The following CABIN1 variants were observed in gnomAD, a reference collection of about 807,000 sequenced individuals.
The protein encoded by CABIN1 is calcineurin binding protein 1, also known as calcineurin-binding protein cabin-1.
A neutral mutation model predicts 227.7 loss-of-function variants in CABIN1; 133 were observed. The observed-to-expected ratio is 0.58, with a 90% CI of 0.51 to 0.67. The LOEUF is 0.67. Among genes scored for constraint, CABIN1 ranks in the 30% least tolerant of loss-of-function variants. The probability of loss-of-function intolerance (pLI) is 0.00; values close to 1 mark genes in which losing one functional copy is unlikely to be tolerated. For synonymous variants in CABIN1, 1,086 were observed against 1,155.1 expected (o/e 0.94, Z 1.21); for missense variants, 2,408 against 2,852.5 (o/e 0.84, Z 3.55).
intron 22 of CABIN1, 86 bp downstream of exon 22, chr22:24,085,237 G>A (rs1482545480): frequency 1.4e-6 from 2 of 1,438,064 alleles, no homozygotes; most frequent in African/African-American, 2.8e-5. Flanking sequence ...GGGCCACTTT[G>A]GGGTTTCCCT....
intron 29 of CABIN1, among the ~76,000 whole-genome samples, chr22:24,146,117 A>G (rs1386944348): frequency 1.3e-5 from 2 of 152,238 alleles, no homozygotes; most frequent in Non-Finnish European, 2.9e-5. Flanking sequence ...AACAGTGGGA[A>G]TCATAGGACA....
intron 28 of CABIN1, 30 bp downstream of exon 28, chr22:24,119,728 G>T (rs2043290235): frequency 6.3e-7 from 1 of 1,597,666 alleles, no homozygotes; most frequent in Admixed American, 1.7e-5. Flanking sequence ...AGGGGGCTTG[G>T]ATCTTCCCAG....
intron 29 of CABIN1, among the ~76,000 whole-genome samples, chr22:24,147,379 C>T (rs1312379046): frequency 3.4e-5 from 5 of 146,586 alleles, no homozygotes; most frequent in African/African-American, 7.6e-5. Context: ...CTGCCTCCCT[C>T]CCTCCGTTCC....
chr22:24,149,848 A>T (rs889205147), intron 29 of CABIN1, among the ~76,000 whole-genome samples: 1 of 152,238 alleles, frequency 6.6e-6, no homozygotes, highest in Admixed American at 6.5e-5. Context: ...TCTGAGCTTT[A>T]TTTCCAGGGA....
intron 28 of CABIN1, among the ~76,000 whole-genome samples, chr22:24,126,458 C>T (rs1268022111): frequency 6.6e-6 from 1 of 152,092 alleles, no homozygotes; most frequent in Non-Finnish European, 1.5e-5. Flanking sequence ...GAGACAGAAA[C>T]AGTCTTGGTG....
In CABIN1 at chr22:24,064,017, T is replaced by TG; in HGVS notation, c.1885-17dup. On this transcript the variant is annotated splice_polypyrimidine_tract_variant and intron_variant, in intron 14 of 36. Coordinates refer to ENST00000263119, the MANE Select transcript of CABIN1 (RefSeq NM_012295.4). Reference sequence around the variant, plus strand: ...AGTCTTCTGCTTTGGTTCCCTGACCTGTTTTCCGTCTAACCAGGGAGACAT... The same window carrying TG: ...AGTCTTCTGCTTTGGTTCCCTGACCTGGTTTTCCGTCTAACCAGGGAGACAT... The TG allele has an allele frequency of 6.2e-7, 1 of 1,614,046 alleles. No individual in the cohort carries two copies. Among genetic ancestry groups the TG allele is most frequent in the East Asian group, 2.2e-5 (1 of 44,882 alleles).
At chr22:24,123,857 C>A (rs2043562538) in intron 28 of CABIN1, among the ~76,000 whole-genome samples, 1 of 152,238 alleles carries the variant, frequency 6.6e-6, no homozygotes, top group African/African-American at 2.4e-5. Context: ...TTTCTTGTTG[C>A]CATCTCACAG....
intron 26 of CABIN1, 188 bp downstream of exon 26, chr22:24,098,380 T>A: frequency 7.7e-7 from 1 of 1,305,762 alleles, no homozygotes. Flanking sequence ...CGAGACATGC[T>A]CAGGGTCGCC....
chr22:24,055,292 G>A lies in CABIN1; in HGVS notation c.1093+133G>A, dbSNP rs1450171015. 5 of 1,086,380 alleles carry A rather than the reference G, an allele frequency of 4.6e-6. No individual in the cohort carries two copies. In the African/African-American group the frequency reaches 7.9e-5, roughly 17 times the overall value. 67.3% of individuals were successfully genotyped at this position (1,086,380 alleles called of 1,614,324 possible). ...ATGCTCATGACTCAAGTGGAAGTGG[G>A]AGCCCCCAGCCCTAGAGGAGCCTCT... On this transcript the variant is annotated intron_variant, in intron 9 of 36. Coordinates refer to ENST00000263119, the MANE Select transcript of CABIN1 (RefSeq NM_012295.4).
chr22:24,058,273 T>G (rs2038945311), intron 10 of CABIN1, among the ~76,000 whole-genome samples: 1 of 152,220 alleles, frequency 6.6e-6, no homozygotes, highest in Non-Finnish European at 1.5e-5. Flanking sequence ...TCCTTCTGCC[T>G]CCACCTCCCA....
chr22:24,120,128 C>T (rs1415473477), intron 28 of CABIN1, among the ~76,000 whole-genome samples: 1 of 152,224 alleles, frequency 6.6e-6, no homozygotes, highest in Non-Finnish European at 1.5e-5. Context: ...CTGTTCTGGC[C>T]TTGCTTGCCC....
In CABIN1 at chr22:24,171,889, C is replaced by T. The variant is rs1396333854; in HGVS notation, c.5934C>T (p.Thr1978=). The change falls in exon 34 of 37, where the codon ACC becomes ACT. Residue 1978 remains threonine, a synonymous_variant. Coordinates refer to ENST00000263119, the MANE Select transcript of CABIN1 (RefSeq NM_012295.4). The part of the protein sequence containing the change: ...PALAAATTII[T]CPPSASASTL... Reference sequence around the variant, plus strand: ...TAGCTGCCGCCACAACTATTATCACCTGCCCTCCGTCAGCATCAGCTTCCA... The same window carrying T: ...TAGCTGCCGCCACAACTATTATCACTTGCCCTCCGTCAGCATCAGCTTCCA... 7 of 1,614,132 alleles carry T rather than the reference C, an allele frequency of 4.3e-6. No homozygotes were observed. In the East Asian group the frequency reaches 8.9e-5, roughly 21 times the overall value.
rs548340524 is a variant in CABIN1 at position 24,178,330 on chromosome 22, C to T, written c.*134C>T. The T allele has an allele frequency of 1.7e-5, 19 of 1,128,190 alleles. No homozygotes were observed. The East Asian group carries it at 4.6e-4, about 27-fold the overall frequency. The allele number at this position is 1,128,190 out of a possible 1,614,324, so 69.9% of individuals were successfully genotyped here. A position where few individuals can be genotyped will look rare whatever the true frequency, so the allele number is the denominator to read the frequency against. ...ACACAGCCCCCAGGCCTGCCCAGCC[C>T]ACCTCCTCATGGCATCCTCCCTGTA... On this transcript the variant is annotated 3_prime_UTR_variant, in exon 37 of 37. Transcript: ENST00000263119.
At chr22:24,129,738 T>C (rs2043952988) in intron 28 of CABIN1, among the ~76,000 whole-genome samples, 1 of 152,088 alleles carries the variant, frequency 6.6e-6, no homozygotes, top group Non-Finnish European at 1.5e-5. Context: ...CATGGGGCTG[T>C]GGGAATAGTA....
intron 25 of CABIN1, among the ~76,000 whole-genome samples, chr22:24,096,849 G>A (rs1336537288): frequency 2.0e-5 from 3 of 152,224 alleles, no homozygotes; most frequent in East Asian, 1.9e-4. Flanking sequence ...CTCTGAGTCC[G>A]CTGCCTAGCT....
intron 10 of CABIN1, among the ~76,000 whole-genome samples, chr22:24,056,847 C>T (rs2038832836): frequency 6.6e-6 from 1 of 152,090 alleles, no homozygotes; most frequent in South Asian, 2.1e-4. Context: ...TAGTGCTTCT[C>T]AGGAGCCTAG....
intron 35 of CABIN1, 51 bp downstream of exon 35, chr22:24,176,326 C>T: frequency 6.4e-7 from 1 of 1,552,650 alleles, no homozygotes; most frequent in South Asian, 1.2e-5. Flanking sequence ...GGCTGCCTCA[C>T]AGCTGGCAGC....
chr22:24,107,328 C>G (rs1173920859), intron 26 of CABIN1, among the ~76,000 whole-genome samples: 9 of 152,206 alleles, frequency 5.9e-5, no homozygotes, highest in Non-Finnish European at 1.2e-4. Flanking sequence ...CACAATGCCC[C>G]CCAGGGCCAG....
chr22:24,092,507 C>T (rs738808), intron 24 of CABIN1, among the ~76,000 whole-genome samples: 8,776 of 152,128 alleles, frequency 0.058, 302 homozygotes, highest in South Asian at 0.11. Context: ...CAGATGTCCA[C>T]CATTTGGTTC....
Sources: allele counts gnomAD v4.1 joint callset (sites outside exome capture counted in the v4.1 genomes callset), GRCh38; gene constraint gnomAD v4.1.1; transcripts MANE v1.5; gene names NCBI Gene and HGNC (gene_info 2026-07-23, HGNC 2026-07-21).